Variants in FLT1 observed in about 807,000 individuals in gnomAD.
The protein encoded by FLT1 is fms related receptor tyrosine kinase 1, also known as vascular endothelial growth factor receptor 1.
A neutral mutation model predicts 156.3 loss-of-function variants in FLT1; 49 were observed. The ratio of observed to expected loss-of-function variants is 0.31; its 90% confidence interval spans 0.25 to 0.40. The LOEUF (loss-of-function observed/expected upper bound fraction) is 0.40, where lower values mean the gene tolerates loss of function less well. FLT1 is among the 10% of genes least tolerant of loss of function. The pLI, the probability that FLT1 is intolerant of heterozygous loss-of-function variation, is 1.00. For synonymous variants in FLT1, 594 were observed against 583.8 expected (o/e 1.02, Z -0.25); for missense variants, 1,322 against 1,637.2 (o/e 0.81, Z 3.32).
In FLT1 at chr13:28,384,878, C is replaced by T. The variant is rs540883826; in HGVS notation, c.2116+7G>A. 2 of 1,613,818 alleles carry T rather than the reference C, an allele frequency of 1.2e-6. No individual in the cohort carries two copies. Among genetic ancestry groups the T allele is most frequent in the East Asian group, 4.5e-5 (2 of 44,878 alleles). On this transcript the variant is annotated splice_region_variant and intron_variant, in intron 14 of 29. Transcript: ENST00000282397. Reference sequence around the variant, plus strand: ...AATAATAAATGGAAGAAAAAAAAGTCTCTTACCAGGCTCTTGTTGTATTTT... The same window carrying T: ...AATAATAAATGGAAGAAAAAAAAGTTTCTTACCAGGCTCTTGTTGTATTTT...
intron 13 of FLT1, chr13:28,389,002 A>G (rs1874536829): frequency 2.8e-6 from 3 of 1,065,076 alleles, no homozygotes; most frequent in Non-Finnish European, 3.4e-6. Context: ...CCTGGATCGC[A>G]TGAGAGGAGG....
intron 3 of FLT1, among the ~76,000 whole-genome samples, chr13:28,459,816 C>A (rs577442728): frequency 2.6e-5 from 4 of 152,322 alleles, no homozygotes; most frequent in Admixed American, 2.6e-4. Context: ...ATTTTTGAAG[C>A]TTTGGCAATC....
chr13:28,341,071 A>G (rs1373466317), intron 16 of FLT1, among the ~76,000 whole-genome samples: 1 of 152,170 alleles, frequency 6.6e-6, no homozygotes, highest in African/African-American at 2.4e-5. Context: ...AGGATAGCTG[A>G]AACCTCGCAA....
At chr13:28,334,554 G>A (rs1217599941) in intron 17 of FLT1, among the ~76,000 whole-genome samples, 1 of 152,156 alleles carries the variant, frequency 6.6e-6, no homozygotes, top group African/African-American at 2.4e-5. Flanking sequence ...AGCAAAAAGG[G>A]AGAAATAGAA....
At chr13:28,390,386 G>A (rs1874636895) in intron 12 of FLT1, among the ~76,000 whole-genome samples, 2 of 152,056 alleles carry the variant, frequency 1.3e-5, no homozygotes, top group African/African-American at 2.4e-5. Context: ...CTCCAACTTG[G>A]TTGTTAACTT....
intron 10 of FLT1, among the ~76,000 whole-genome samples, chr13:28,412,369 T>TTTCC (rs1876307194): frequency 1.2e-5 from 1 of 83,074 alleles, no homozygotes; most frequent in Admixed American, 1.3e-4. Flanking sequence ...TCTTTCTTTC[T>TTTCC]TTCTTTCTTT....
chr13:28,380,099 A>AAAG (rs1874012736), intron 14 of FLT1, among the ~76,000 whole-genome samples: 1 of 152,180 alleles, frequency 6.6e-6, no homozygotes, highest in South Asian at 2.1e-4. Context: ...TCAAGTATCT[A>AAAG]AAGGACACAC....
intron 1 of FLT1, 90 bp downstream of exon 1, chr13:28,494,690 C>T: frequency 2.0e-6 from 2 of 1,016,032 alleles, no homozygotes; most frequent in Middle Eastern, 2.6e-4. Flanking sequence ...CTCGTCTCCC[C>T]GCGTGCACCC....
intron 10 of FLT1, among the ~76,000 whole-genome samples, chr13:28,412,689 G>A (rs1258519420): frequency 6.6e-6 from 1 of 150,780 alleles, no homozygotes; most frequent in Non-Finnish European, 1.5e-5. Context: ...CCAAAGTGCT[G>A]GGGTTACAGG....
At chr13:28,321,645 C>T (rs2138830296) in intron 22 of FLT1, 60 bp from the exon 23 acceptor site, 1 of 1,548,198 alleles carries the variant, frequency 6.5e-7, no homozygotes. Flanking sequence ...TAATTTCCTA[C>T]ACCTGTCAGT....
At chr13:28,376,710 C>G (rs1873854062) in intron 14 of FLT1, among the ~76,000 whole-genome samples, 1 of 152,200 alleles carries the variant, frequency 6.6e-6, no homozygotes, top group Admixed American at 6.5e-5. Flanking sequence ...CCTCTTGCAG[C>G]ACCTGCTCAG....
chr13:28,325,641 C>A (rs7333510), intron 20 of FLT1, among the ~76,000 whole-genome samples: 109,152 of 151,580 alleles, frequency 0.72, 40,927 homozygotes, highest in East Asian at 0.88. Flanking sequence ...GGTGAAACTC[C>A]GTCTCTACCA....
chr13:28,375,622 A>C (rs1873808094), intron 14 of FLT1, among the ~76,000 whole-genome samples: 1 of 152,240 alleles, frequency 6.6e-6, no homozygotes, highest in African/African-American at 2.4e-5. Flanking sequence ...AAGAAGAGCT[A>C]CTTGCATATC....
intron 29 of FLT1, among the ~76,000 whole-genome samples, chr13:28,303,853 A>G (rs1870624799): frequency 6.6e-6 from 1 of 152,154 alleles, no homozygotes; most frequent in Non-Finnish European, 1.5e-5. Context: ...AAAAAACAAT[A>G]AAGCTCCACA....
intron 5 of FLT1, 48 bp from the exon 6 acceptor site, chr13:28,434,003 A>T (rs1173236864): frequency 6.2e-6 from 10 of 1,613,826 alleles, no homozygotes; most frequent in African/African-American, 1.3e-5. Flanking sequence ...TTCATTACAC[A>T]GATAAAAATA....
chr13:28,431,925 A>G (rs1017942707), intron 6 of FLT1, among the ~76,000 whole-genome samples: 31 of 151,990 alleles, frequency 2.0e-4, no homozygotes, highest in African/African-American at 7.3e-4. Flanking sequence ...TTATTTCACT[A>G]TTTGAACAGT....
intron 23 of FLT1, among the ~76,000 whole-genome samples, chr13:28,319,996 G>A (rs759130820): frequency 6.6e-6 from 1 of 152,238 alleles, no homozygotes; most frequent in Admixed American, 6.5e-5. Flanking sequence ...TAGGGAGAGT[G>A]TGCAAAAGCA....
intron 27 of FLT1, 149 bp from the exon 28 acceptor site, chr13:28,309,076 G>C: frequency 1.5e-6 from 1 of 646,888 alleles, no homozygotes; most frequent in Non-Finnish European, 2.8e-6. Flanking sequence ...TCCCCGCCGT[G>C]ACCCCTGGGA....
At chr13:28,390,437 C>G (rs1244827940) in intron 12 of FLT1, among the ~76,000 whole-genome samples, 2 of 152,090 alleles carry the variant, frequency 1.3e-5, no homozygotes, top group Non-Finnish European at 2.9e-5. Context: ...GCTATGTTGC[C>G]CAGGCTGGAG....
Sources: gnomAD v4.1 joint callset for allele counts (sites outside exome capture counted in the v4.1 genomes callset) on GRCh38, gnomAD v4.1.1 for gene constraint, MANE v1.5 for transcripts, NCBI Gene and HGNC (gene_info 2026-07-23, HGNC 2026-07-21) for gene names.